HDAC9: variants seen among roughly 807,000 people sequenced by gnomAD.
The protein encoded by HDAC9 is histone deacetylase 9.
In HDAC9, 41 loss-of-function variants were observed where a neutral mutation model predicts 139.4. The ratio of observed to expected loss-of-function variants is 0.29; its 90% CI spans 0.23 to 0.38. The LOEUF (loss-of-function observed/expected upper bound fraction) is 0.38. Ranked by LOEUF, HDAC9 falls within the 10% of genes least tolerant of loss-of-function variation. The probability of loss-of-function intolerance (pLI) is 1.00; values close to 1 mark genes in which losing one functional copy is unlikely to be tolerated. For missense variants in HDAC9, 1,147 were observed against 1,297.0 expected (o/e 0.88, Z 1.78); for synonymous variants, 517 against 476.2 (o/e 1.09, Z -1.12).
At chr7:18,281,978 G>T (rs114521394) in intron 2 of HDAC9, among the ~76,000 whole-genome samples, 1 of 152,048 alleles carries the variant, frequency 6.6e-6, no homozygotes, top group South Asian at 2.1e-4. Flanking sequence ...CTAAGTACAC[G>T]TTTTATTCTT....
chr7:18,702,383 C>T (rs73313402), intron 12 of HDAC9, among the ~76,000 whole-genome samples: 2,358 of 152,252 alleles, frequency 0.015, 64 homozygotes, highest in African/African-American at 0.054. Flanking sequence ...CACTGGTGTC[C>T]GCAGCACCTC....
chr7:18,312,534 C>G (rs1799386445), intron 1 of HDAC9, among the ~76,000 whole-genome samples: 1 of 152,068 alleles, frequency 6.6e-6, no homozygotes, highest in African/African-American at 2.4e-5. Context: ...TTAACAGATC[C>G]TCTGTTAGAA....
intron 22 of HDAC9, among the ~76,000 whole-genome samples, chr7:18,932,340 G>A (rs1026674244): frequency 4.6e-5 from 7 of 152,086 alleles, no homozygotes; most frequent in African/African-American, 1.7e-4. Context: ...TGTTGAATGA[G>A]AAACATTCAA....
At chr7:18,419,937 A>G (rs1170214016) in intron 1 of HDAC9, among the ~76,000 whole-genome samples, 6 of 152,226 alleles carry the variant, frequency 3.9e-5, no homozygotes, top group African/African-American at 1.4e-4. Flanking sequence ...CAGCGATGGT[A>G]GCCCATGAAT....
At chr7:18,991,179 T>G (rs1785901759) in intron 25 of HDAC9, among the ~76,000 whole-genome samples, 1 of 152,178 alleles carries the variant, frequency 6.6e-6, no homozygotes, top group Admixed American at 6.5e-5. Context: ...TTTCAAAAAG[T>G]ATTTATGGGA....
At chr7:18,479,326 A>G (rs1365481552) in intron 1 of HDAC9, among the ~76,000 whole-genome samples, 2 of 152,152 alleles carry the variant, frequency 1.3e-5, no homozygotes, top group Non-Finnish European at 2.9e-5. Context: ...AGTTTGATAC[A>G]AAAAATAAGA....
intron 10 of HDAC9, 74 bp downstream of exon 10, chr7:18,648,072 T>C: frequency 8.4e-7 from 1 of 1,185,430 alleles, no homozygotes; most frequent in Non-Finnish European, 1.2e-6. Flanking sequence ...AATGTCTCTT[T>C]TACTCAAGAC....
At chr7:18,201,619 G>A (rs1016445561) in intron 2 of HDAC9, among the ~76,000 whole-genome samples, 1 of 152,182 alleles carries the variant, frequency 6.6e-6, no homozygotes, top group African/African-American at 2.4e-5. Flanking sequence ...CAAGGGAAGG[G>A]CCTCTTTCTC....
At chr7:18,398,517 C>CT (rs1173655010) in intron 1 of HDAC9, among the ~76,000 whole-genome samples, 24 of 150,768 alleles carry the variant, frequency 1.6e-4, no homozygotes, top group African/African-American at 3.2e-4. Flanking sequence ...CAACATTTGC[C>CT]TTTTTTTTTA....
chr7:18,898,379 T>C lies in HDAC9; in HGVS notation c.2803+23783T>C, dbSNP rs181448548. Among the ~76,000 whole-genome samples the C allele has an allele frequency of 4.7e-4, 71 of 152,032 alleles. 2 individuals are homozygous for C. The East Asian group carries it at 0.013, about 28-fold the overall frequency. ...TACACAGCCAAATGGAACAAATAGC[T>C]AAAAATTTTTTACATAAATATTTTA... On this transcript the variant is annotated intron_variant, in intron 22 of 25. Transcript: ENST00000686413.
At chr7:18,345,789 A>G (rs1448720812) in intron 1 of HDAC9, among the ~76,000 whole-genome samples, 2 of 151,832 alleles carry the variant, frequency 1.3e-5, no homozygotes, top group Admixed American at 6.6e-5. Flanking sequence ...GGTGCTGCCT[A>G]TACCTTCATT....
intron 21 of HDAC9, among the ~76,000 whole-genome samples, chr7:18,857,722 C>A (rs1010542791): frequency 6.6e-6 from 1 of 151,966 alleles, no homozygotes; most frequent in Non-Finnish European, 1.5e-5. Flanking sequence ...GCACTTGGCA[C>A]CTTGGCATTG....
chr7:18,732,494 T>C (rs982086591), intron 13 of HDAC9, among the ~76,000 whole-genome samples: 1 of 151,288 alleles, frequency 6.6e-6, no homozygotes, highest in Non-Finnish European at 1.5e-5. Flanking sequence ...TATATGTGTA[T>C]ATATGTGTAT....
intron 12 of HDAC9, among the ~76,000 whole-genome samples, chr7:18,673,227 T>C (rs892049335): frequency 2.0e-5 from 3 of 152,004 alleles, no homozygotes; most frequent in Non-Finnish European, 2.9e-5. Flanking sequence ...TACATTGAGC[T>C]ATGATCATGC....
chr7:18,507,059 T>C (rs1196800715), intron 2 of HDAC9, among the ~76,000 whole-genome samples: 2 of 152,072 alleles, frequency 1.3e-5, no homozygotes, highest in African/African-American at 4.8e-5. Flanking sequence ...TATTAACTCA[T>C]TTTTCCTAAA....
At chr7:18,361,259 TA>T (rs1374172679) in intron 1 of HDAC9, among the ~76,000 whole-genome samples, 1 of 152,184 alleles carries the variant, frequency 6.6e-6, no homozygotes, top group Non-Finnish European at 1.5e-5. Flanking sequence ...CCTAAAATAT[TA>T]AATTCCAAAA....
At chr7:18,866,587 T>C (rs894666816) in intron 21 of HDAC9, among the ~76,000 whole-genome samples, 2 of 152,306 alleles carry the variant, frequency 1.3e-5, no homozygotes, top group Non-Finnish European at 2.9e-5. Flanking sequence ...ATTTGCATTT[T>C]TGAATCCCAG....
chr7:18,925,206 T>C (rs1437527001), intron 22 of HDAC9, among the ~76,000 whole-genome samples: 1 of 152,154 alleles, frequency 6.6e-6, no homozygotes. Context: ...CAATATTACT[T>C]GGATTTAGCC....
At chr7:18,578,088 C>T (rs1826574681) in intron 2 of HDAC9, 10 of 516,390 alleles carry the variant, frequency 1.9e-5, no homozygotes, top group Non-Finnish European at 3.5e-5. Context: ...AGATCCCTTT[C>T]CCAGAGTGCT....
Sources: allele counts gnomAD v4.1 joint callset (sites outside exome capture counted in the v4.1 genomes callset), GRCh38; gene constraint gnomAD v4.1.1; transcripts MANE v1.5; gene names NCBI Gene and HGNC (gene_info 2026-07-23, HGNC 2026-07-21).